Variants in MBOAT2 observed in about 807,000 individuals in gnomAD.
The protein encoded by MBOAT2 is membrane bound glycerophospholipid O-acyltransferase 2, also known as membrane-bound glycerophospholipid O-acyltransferase 2.
A neutral mutation model predicts 63.4 loss-of-function variants in MBOAT2; 28 were observed. The observed-to-expected ratio is 0.44, with a 90% CI of 0.33 to 0.61. The LOEUF is 0.61. Ranked by LOEUF, MBOAT2 falls within the 20% of genes least tolerant of loss-of-function variation. The pLI is 0.03. For synonymous variants in MBOAT2, 211 were observed against 215.6 expected, an observed-to-expected ratio of 0.98 and a Z score of 0.19; for missense variants, 470 against 605.8, an observed-to-expected ratio of 0.78 and a Z score of 2.35.
chr2:8,962,417 C>T (rs1016866805), intron 1 of MBOAT2, among the ~76,000 whole-genome samples: 15 of 152,198 alleles, frequency 9.9e-5, no homozygotes, highest in African/African-American at 3.4e-4. Flanking sequence ...GATGTATTTC[C>T]TAGTCCCTTG....
chr2:8,914,501 A>C (rs1248934035), intron 3 of MBOAT2, among the ~76,000 whole-genome samples: 1 of 152,072 alleles, frequency 6.6e-6, no homozygotes, highest in African/African-American at 2.4e-5. Context: ...AAAAAAAAAA[A>C]ACAATGAAAG....
chr2:8,915,934 T>A (rs2148600740), intron 3 of MBOAT2, among the ~76,000 whole-genome samples: 1 of 152,298 alleles, frequency 6.6e-6, no homozygotes, highest in East Asian at 1.9e-4. Flanking sequence ...GGCTATGGTA[T>A]CCCCATCACT....
In MBOAT2 at chr2:8,943,282, A is replaced by G; in HGVS notation, c.222-18T>C. 2.0e-6 allele frequency: 3 copies of G among 1,498,646 alleles called. No homozygotes were observed. Among genetic ancestry groups the G allele is most frequent in the Non-Finnish European group, 9.1e-7 (1 of 1,099,336 alleles). 92.8% of individuals were successfully genotyped at this position (1,498,646 alleles called of 1,614,324 possible). A position where few individuals can be genotyped will look rare whatever the true frequency, so the allele number is the denominator to read the frequency against. ...AGGCATACCTATAAAAAGTAAGAGC[A>G]CTATTAGAAGAGGGATGCCAAGTCA... On this transcript the variant is annotated intron_variant, in intron 2 of 12. Coordinates refer to ENST00000305997, the MANE Select transcript of MBOAT2 (RefSeq NM_138799.4).
At position 8,856,424 on chromosome 2, in the gene MBOAT2, T is replaced by C. The variant is rs1357507010; in HGVS notation, c.*2255A>G. On this transcript the variant is annotated 3_prime_UTR_variant, in exon 13 of 13. Coordinates refer to ENST00000305997, the MANE Select transcript of MBOAT2 (RefSeq NM_138799.4). The surrounding 1 kb of genome is among the most constrained non-coding windows in gnomAD (Gnocchi z 4.2). ...ACCTGTCTTTTAAATTCTTAATTTG[T>C]TCACTTTCTCTTAATAGCAGTCGGA... 1 of 152,218 alleles carries C rather than the reference T, an allele frequency of 6.6e-6. No homozygotes were observed. Among genetic ancestry groups the C allele is most frequent in the Non-Finnish European group, 1.5e-5 (1 of 68,030 alleles). The allele number at this position is 152,218 out of a possible 1,614,324, so 9.4% of individuals were successfully genotyped here.
At chr2:8,908,791 T>C in intron 3 of MBOAT2, 75 bp from the exon 4 acceptor site, 1 of 811,416 alleles carries the variant, frequency 1.2e-6, no homozygotes, top group Non-Finnish European at 2.1e-6. Context: ...AAGTAATTTA[T>C]TAGCTAAATG....
rs1166005808 is a variant in MBOAT2, at chr2:8,862,270, C to T, written c.1185+320G>A. 2 of 1,295,196 alleles carry T rather than the reference C, an allele frequency of 1.5e-6. No homozygotes were observed. Among genetic ancestry groups the T allele is most frequent in the Non-Finnish European group, 2.0e-6 (2 of 993,472 alleles). The allele number at this position is 1,295,196 out of a possible 1,614,324, so 80.2% of individuals were successfully genotyped here. On this transcript the variant is annotated intron_variant, in intron 11 of 12. Coordinates refer to ENST00000305997, the MANE Select transcript of MBOAT2 (RefSeq NM_138799.4). This position sits in a 1 kb window ranked among gnomAD's most constrained non-coding sequence, Gnocchi z 4.3. ...AGGAAACATTTCTAAAATAAACCTA[C>T]CCATTCTGATCATCTTTATTTAACT...
Position 8,873,296 on chromosome 2 carries a change from G to A in MBOAT2, c.695C>T (p.Ala232Val), listed in dbSNP as rs935685993. The change falls in exon 8 of 13, where the codon GCG becomes GTG. Residue 232 changes from alanine to valine, a missense_variant. By Grantham distance (64) the Ala-to-Val change is moderately conservative. This residue lies in a region of MBOAT2 where 376 missense variants were observed against 503.8 expected (regional missense o/e 0.75). Transcript: ENST00000305997. ...ACAAACTAAGAGCTTCTGAACAACC[G>A]CAGTCTGAAAAGCGCAAGGCGAGAC... is the stretch of plus-strand genomic sequence containing the variant. ...YERTEPSPNT[A>V]VVQKLLVCGL... 1.9e-6 allele frequency: 3 copies of A among 1,612,150 alleles called. 1 individual carries two copies. The highest frequency in any genetic ancestry group is 2.2e-5 in the South Asian group (2 of 90,836).
intron 3 of MBOAT2, among the ~76,000 whole-genome samples, chr2:8,909,273 C>T (rs1156431131): frequency 6.6e-6 from 1 of 152,008 alleles, no homozygotes; most frequent in Non-Finnish European, 1.5e-5. Context: ...TATATATCAA[C>T]AGGAGAGAAC....
chr2:8,969,364 G>A (rs1670269395), intron 1 of MBOAT2, among the ~76,000 whole-genome samples: 1 of 152,158 alleles, frequency 6.6e-6, no homozygotes, highest in South Asian at 2.1e-4. Flanking sequence ...AAGAGCTCCT[G>A]AAGGAAGCAC....
intron 3 of MBOAT2, among the ~76,000 whole-genome samples, chr2:8,925,213 C>T (rs573070014): frequency 6.6e-6 from 1 of 152,246 alleles, no homozygotes; most frequent in East Asian, 1.9e-4. Flanking sequence ...GAACCTATCA[C>T]TGACTGTTCC....
At chr2:8,900,527 T>C (rs1195050901) in intron 4 of MBOAT2, among the ~76,000 whole-genome samples, 1 of 152,130 alleles carries the variant, frequency 6.6e-6, no homozygotes, top group Non-Finnish European at 1.5e-5. Context: ...TGGGCCAAAT[T>C]TCCCTCCTCC....
chr2:8,908,525 T>C (rs1192702406), intron 4 of MBOAT2, 96 bp downstream of exon 4: 1 of 654,764 alleles, frequency 1.5e-6, no homozygotes, highest in Non-Finnish European at 2.6e-6. Context: ...TAATAATAGC[T>C]TTTCACTTGA....
rs568754747 is a variant in MBOAT2 at position 8,984,419 on chromosome 2, G to A, written c.75+19121C>T. Among the ~76,000 whole-genome samples the A allele has an allele frequency of 9.2e-5, 14 of 152,272 alleles. 1 individual carries two copies. In the South Asian group the frequency reaches 2.9e-3, roughly 32 times the overall value. Reference sequence around the variant, plus strand: ...TTACCACATACATACATACGTTTGTGGTTAACACTACGAAGAAAGCAAGGA... The same window carrying A: ...TTACCACATACATACATACGTTTGTAGTTAACACTACGAAGAAAGCAAGGA... On this transcript the variant is annotated intron_variant, in intron 1 of 12. Coordinates refer to ENST00000305997, the MANE Select transcript of MBOAT2 (RefSeq NM_138799.4).
chr2:8,959,688 C>A (rs2103278192), intron 1 of MBOAT2, among the ~76,000 whole-genome samples: 1 of 152,254 alleles, frequency 6.6e-6, no homozygotes, highest in East Asian at 1.9e-4. Flanking sequence ...GTCTTGAACT[C>A]CTGGGCTCAA....
chr2:8,864,401 T>C (rs1223023286), intron 9 of MBOAT2, among the ~76,000 whole-genome samples, 167 bp from the exon 10 acceptor site: 2 of 151,980 alleles, frequency 1.3e-5, no homozygotes, highest in Non-Finnish European at 1.5e-5. Flanking sequence ...AACATCATTC[T>C]ACGTAAGACA....
intron 6 of MBOAT2, among the ~76,000 whole-genome samples, chr2:8,881,388 G>A (rs1367144263): frequency 6.6e-6 from 1 of 152,162 alleles, no homozygotes; most frequent in African/African-American, 2.4e-5. Context: ...CAAGTGAGTG[G>A]ACTGAGGAAA....
At chr2:8,902,144 G>A (rs901183201) in intron 4 of MBOAT2, among the ~76,000 whole-genome samples, 17 of 152,184 alleles carry the variant, frequency 1.1e-4, no homozygotes, top group Non-Finnish European at 8.8e-5. Flanking sequence ...TAAGAGTCAG[G>A]GGTTGTTAAG....
Position 8,854,416 on chromosome 2 carries a change from T to C in MBOAT2, c.*4263A>G, listed in dbSNP as rs1660952612. 6.6e-6 allele frequency: 1 copy of C among 152,230 alleles called. No homozygotes were observed. The highest frequency in any genetic ancestry group is 2.4e-5 in the African/African-American group (1 of 41,450). 9.4% of individuals were successfully genotyped at this position (152,230 alleles called of 1,614,324 possible). On this transcript the variant is annotated 3_prime_UTR_variant, in exon 13 of 13. Transcript: ENST00000305997. ...GGGCAGTTAAGATTACATCTCACAG[T>C]GTTATTTAGGATTCTGCACCTATAT...
At chr2:8,867,050 A>C (rs961443636) in intron 9 of MBOAT2, among the ~76,000 whole-genome samples, 4 of 152,016 alleles carry the variant, frequency 2.6e-5, no homozygotes, top group African/African-American at 9.7e-5. Context: ...GGCTAGCAAA[A>C]CAATGGTTTT....
Sources: gnomAD v4.1 joint callset for allele counts (sites outside exome capture counted in the v4.1 genomes callset) on GRCh38, gnomAD v4.1.1 for gene constraint, gnomAD v4.1.1 regional missense constraint, Gnocchi (gnomAD v3.1) non-coding constraint, MANE v1.5 for transcripts, NCBI Gene and HGNC (gene_info 2026-07-23, HGNC 2026-07-21) for gene names.